ZNF385D: variants seen among roughly 807,000 people sequenced by gnomAD.
The protein encoded by ZNF385D is zinc finger protein 659.
In ZNF385D, 15 loss-of-function variants were observed where a neutral mutation model predicts 35.8. The ratio of observed to expected loss-of-function variants is 0.42; its 90% CI spans 0.28 to 0.64. The LOEUF (loss-of-function observed/expected upper bound fraction) is 0.64, where lower values mean the gene tolerates loss of function less well. Among genes scored for constraint, ZNF385D ranks in the 30% least tolerant of loss-of-function variants. The probability of loss-of-function intolerance (pLI) is 0.23; values close to 1 mark genes in which losing one functional copy is unlikely to be tolerated. For synonymous variants in ZNF385D, 212 were observed against 186.8 expected (o/e 1.13, Z -1.10); for missense variants, 474 against 494.6 (o/e 0.96, Z 0.39).
At chr3:22,226,713 C>T (rs1453589962) in intron 2 of ZNF385D, among the ~76,000 whole-genome samples, 1 of 152,150 alleles carries the variant, frequency 6.6e-6, no homozygotes, top group African/African-American at 2.4e-5. Context: ...AGCATCCTCT[C>T]CAGGTACTCA....
At chr3:22,127,092 A>C (rs1703477612) in intron 3 of ZNF385D, among the ~76,000 whole-genome samples, 1 of 151,896 alleles carries the variant, frequency 6.6e-6, no homozygotes, top group South Asian at 2.1e-4. Context: ...TGTTTCTTAT[A>C]AGCAATAGAT....
At chr3:22,127,129 A>C (rs973986136) in intron 3 of ZNF385D, among the ~76,000 whole-genome samples, 1 of 151,906 alleles carries the variant, frequency 6.6e-6, no homozygotes, top group Non-Finnish European at 1.5e-5. Flanking sequence ...TTATCCATTC[A>C]GTCACTGTTT....
chr3:21,436,317 A>G (rs1383410637), intron 5 of ZNF385D, among the ~76,000 whole-genome samples: 1 of 152,144 alleles, frequency 6.6e-6, no homozygotes, highest in African/African-American at 2.4e-5. Flanking sequence ...TTGAAGTCAG[A>G]CAGATCTGGG....
intron 3 of ZNF385D, among the ~76,000 whole-genome samples, chr3:21,928,986 A>T (rs1445619157): frequency 1.3e-5 from 2 of 152,194 alleles, no homozygotes; most frequent in Admixed American, 1.3e-4. Flanking sequence ...AAGAGGCTAC[A>T]ATTTCCACAA....
intron 3 of ZNF385D, among the ~76,000 whole-genome samples, chr3:22,017,993 C>G (rs757485871): frequency 2.0e-5 from 3 of 151,762 alleles, no homozygotes; most frequent in Admixed American, 1.3e-4. Flanking sequence ...TCTTCATATT[C>G]ACTTAATATT....
At chr3:21,960,022 C>CAAAAAA (rs34894053) in intron 3 of ZNF385D, among the ~76,000 whole-genome samples, 1 of 114,624 alleles carries the variant, frequency 8.7e-6, no homozygotes. Flanking sequence ...GCACAGCCTC[C>CAAAAAA]AAAAAAAAAA....
At chr3:22,179,289 G>A (rs1695054053) in intron 2 of ZNF385D, among the ~76,000 whole-genome samples, 1 of 152,156 alleles carries the variant, frequency 6.6e-6, no homozygotes, top group Non-Finnish European at 1.5e-5. Context: ...TCTCCTTGAA[G>A]AGGTCCTTCA....
intron 1 of ZNF385D, among the ~76,000 whole-genome samples, chr3:21,732,608 T>C (rs551466395): frequency 1.3e-5 from 2 of 152,316 alleles, no homozygotes; most frequent in South Asian, 2.1e-4. Context: ...TAATATCTCA[T>C]TGTTGTTTTA....
chr3:21,710,182 G>C (rs940886201), intron 1 of ZNF385D, among the ~76,000 whole-genome samples: 1 of 152,138 alleles, frequency 6.6e-6, no homozygotes, highest in Non-Finnish European at 1.5e-5. Context: ...GTTTGGGGGA[G>C]AAAATGGAAC....
chr3:22,180,448 A>G (rs1695161134), intron 2 of ZNF385D, among the ~76,000 whole-genome samples: 2 of 152,228 alleles, frequency 1.3e-5, no homozygotes, highest in South Asian at 2.1e-4. Flanking sequence ...GGCCAGCATC[A>G]TCCTGATACC....
chr3:22,221,157 A>G (rs1698232278), intron 2 of ZNF385D, among the ~76,000 whole-genome samples: 1 of 152,036 alleles, frequency 6.6e-6, no homozygotes, highest in Non-Finnish European at 1.5e-5. Flanking sequence ...ACCTATCTAT[A>G]TAGGTACACA....
At chr3:22,302,549 T>C (rs1257425174) in intron 2 of ZNF385D, among the ~76,000 whole-genome samples, 1 of 152,030 alleles carries the variant, frequency 6.6e-6, no homozygotes, top group Non-Finnish European at 1.5e-5. Flanking sequence ...TAACACTTAC[T>C]CTAGATTTGC....
intron 3 of ZNF385D, among the ~76,000 whole-genome samples, chr3:21,522,635 G>A (rs1199318535): frequency 6.6e-6 from 1 of 152,166 alleles, no homozygotes; most frequent in Non-Finnish European, 1.5e-5. Flanking sequence ...ACCATGCCCA[G>A]CAACTTTTAT....
intron 1 of ZNF385D, among the ~76,000 whole-genome samples, chr3:21,746,016 T>C (rs2069751112): frequency 6.6e-6 from 1 of 152,200 alleles, no homozygotes; most frequent in Non-Finnish European, 1.5e-5. Context: ...AAGTACAATA[T>C]TAAGTCTATA....
intron 2 of ZNF385D, among the ~76,000 whole-genome samples, chr3:22,320,055 A>C (rs1186646256): frequency 6.6e-6 from 1 of 151,506 alleles, no homozygotes; most frequent in African/African-American, 2.4e-5. Flanking sequence ...AAACACATAC[A>C]AACTTTTTTT....
intron 3 of ZNF385D, among the ~76,000 whole-genome samples, chr3:21,932,313 A>C (rs1701053790): frequency 6.6e-6 from 1 of 152,032 alleles, no homozygotes; most frequent in African/African-American, 2.4e-5. Flanking sequence ...AAATGTTCCT[A>C]AATCTAGAAC....
intron 1 of ZNF385D, among the ~76,000 whole-genome samples, chr3:21,738,901 T>C (rs1224549483): frequency 6.6e-6 from 1 of 152,228 alleles, no homozygotes; most frequent in African/African-American, 2.4e-5. Context: ...TTTGTTTTCT[T>C]GTTTAAAATA....
chr3:22,131,554 A>C (rs1156262001), intron 3 of ZNF385D, among the ~76,000 whole-genome samples: 1 of 152,138 alleles, frequency 6.6e-6, no homozygotes, highest in Non-Finnish European at 1.5e-5. Flanking sequence ...ATGTATCAGG[A>C]GAGAATGGAA....
At chr3:22,227,774 T>C (rs1698649228) in intron 2 of ZNF385D, among the ~76,000 whole-genome samples, 1 of 152,100 alleles carries the variant, frequency 6.6e-6, no homozygotes, top group South Asian at 2.1e-4. Context: ...TTACAACCCA[T>C]TTTCTAGAAA....
Sources: gnomAD v4.1 joint callset for allele counts (sites outside exome capture counted in the v4.1 genomes callset) on GRCh38, gnomAD v4.1.1 for gene constraint, MANE v1.5 for transcripts, NCBI Gene and HGNC (gene_info 2026-07-23, HGNC 2026-07-21) for gene names.